The following PCDHGB3 variants were observed in gnomAD, a reference collection of about 807,000 sequenced individuals.
PCDHGB3 encodes the protein protocadherin gamma-B3.
PCDHGB3 carries 40 observed loss-of-function variants against 59.2 expected under a neutral mutation model. The observed-to-expected ratio is 0.68, with a 90% CI of 0.52 to 0.88. The LOEUF (loss-of-function observed/expected upper bound fraction) is 0.88, where lower values mean the gene tolerates loss of function less well. PCDHGB3 is among the 40% of genes least tolerant of loss of function. PCDHGB3 has a pLI of 0.00. For synonymous variants in PCDHGB3, 581 were observed against 503.6 expected, an observed-to-expected ratio of 1.15 and a Z score of -2.06; for missense variants, 1,309 against 1,187.9, an observed-to-expected ratio of 1.10 and a Z score of -1.50.
Position 141,477,934 on chromosome 5 carries a change from C to T in PCDHGB3, c.2416-16873C>T. Reference sequence around the variant, plus strand: ...CGGATGCAGGGCACAATGCCTGGCTCTCCTACAGTCTCTTGGGATCCCCTA... The same window carrying T: ...CGGATGCAGGGCACAATGCCTGGCTTTCCTACAGTCTCTTGGGATCCCCTA... On this transcript the variant is annotated intron_variant, in intron 1 of 3. Coordinates refer to ENST00000576222, the MANE Select transcript of PCDHGB3 (RefSeq NM_018924.5). This position sits in a 1 kb window ranked among gnomAD's most constrained non-coding sequence, Gnocchi z 4.9. 3.1e-6 allele frequency: 5 copies of T among 1,614,204 alleles called. No individual in the cohort carries two copies. The highest frequency in any genetic ancestry group is 4.2e-6 in the Non-Finnish European group (5 of 1,180,036).
intron 3 of PCDHGB3, among the ~76,000 whole-genome samples, chr5:141,508,616 G>T (rs1007206932): frequency 6.6e-6 from 1 of 152,114 alleles, no homozygotes; most frequent in African/African-American, 2.4e-5. Flanking sequence ...ATAGGACGTG[G>T]GTGGGCCGAG....
intron 1 of PCDHGB3, chr5:141,422,068 T>C (rs1340696188): frequency 2.5e-6 from 4 of 1,612,076 alleles, no homozygotes; most frequent in Non-Finnish European, 3.4e-6. Flanking sequence ...AGTAATGTAT[T>C]CATTTCGGAA....
intron 1 of PCDHGB3, chr5:141,409,600 G>T (rs778681839): frequency 6.8e-6 from 11 of 1,613,882 alleles, no homozygotes; most frequent in Admixed American, 1.7e-5. Flanking sequence ...AGAACAACCC[G>T]CCAGGAGCCT....
In PCDHGB3 at chr5:141,438,591, C is replaced by T. The variant is rs12717894; in HGVS notation, c.2416-56216C>T. 3.5e-3 allele frequency among the ~76,000 whole-genome samples: 262 copies of T among 75,376 alleles called. 1 individual carries two copies. The highest frequency in any genetic ancestry group is 4.5e-3 in the Non-Finnish European group (168 of 37,204). 49.4% of individuals were successfully genotyped at this position (75,376 alleles called of 152,430 possible). ...TCTGATATACATACATACATACATA[C>T]ATATATATATATATATATATATATA... On this transcript the variant is annotated intron_variant, in intron 1 of 3. Transcript: ENST00000576222.
chr5:141,454,857 G>C (rs1365819097), intron 1 of PCDHGB3, among the ~76,000 whole-genome samples: 2 of 131,566 alleles, frequency 1.5e-5, no homozygotes, highest in African/African-American at 6.0e-5. Context: ...ACCCAGGCTG[G>C]AGTGCAGTGG....
chr5:141,420,067 A>G (rs2096463342), intron 1 of PCDHGB3: 2 of 1,614,034 alleles, frequency 1.2e-6, no homozygotes, highest in East Asian at 2.2e-5. Flanking sequence ...CCAAGTCCGG[A>G]CCTGTGGGTC....
chr5:141,399,373 GT>G, intron 1 of PCDHGB3: 1 of 1,613,982 alleles, frequency 6.2e-7, no homozygotes. Context: ...GGAGTACAAT[GT>G]CACCATCACA....
intron 2 of PCDHGB3, among the ~76,000 whole-genome samples, chr5:141,504,948 T>C (rs1044527570): frequency 2.0e-5 from 3 of 152,080 alleles, no homozygotes; most frequent in Admixed American, 1.3e-4. Flanking sequence ...GAATGCACTA[T>C]GTTCAATGCA....
At position 141,490,646 on chromosome 5, in the gene PCDHGB3, C is replaced by G. The variant is rs202183643; in HGVS notation, c.2416-4161C>G. The G allele has an allele frequency of 8.7e-6, 14 of 1,614,068 alleles. No homozygotes were observed. In the African/African-American group the frequency reaches 1.7e-4, roughly 20 times the overall value. ...GCTTACATCCTAGAAAACCGGCCTC[C>G]GGGCTCCCTTCTTTGCACTGTGGCT... On this transcript the variant is annotated intron_variant, in intron 1 of 3. Coordinates refer to ENST00000576222, the MANE Select transcript of PCDHGB3 (RefSeq NM_018924.5). This position sits in a 1 kb window ranked among gnomAD's most constrained non-coding sequence, Gnocchi z 5.4.
At chr5:141,506,092 G>A (rs1595997534) in intron 3 of PCDHGB3, among the ~76,000 whole-genome samples, 1 of 152,142 alleles carries the variant, frequency 6.6e-6, no homozygotes, top group Admixed American at 6.6e-5. Flanking sequence ...TTCGGCTAGT[G>A]GTGGTTGTCC....
Position 141,487,933 on chromosome 5 carries a change from A to G in PCDHGB3, c.2416-6874A>G. ...CACAGGAGGCTACAGTGCACAGGGT[A>G]CAGTGCACCAGGCAGTCACTTGGAC... is the stretch of plus-strand genomic sequence containing the variant. On this transcript the variant is annotated intron_variant, in intron 1 of 3. Coordinates refer to ENST00000576222, the MANE Select transcript of PCDHGB3 (RefSeq NM_018924.5). This position sits in a 1 kb window ranked among gnomAD's most constrained non-coding sequence, Gnocchi z 5.0. 1 of 612,006 alleles carries G rather than the reference A, an allele frequency of 1.6e-6. No homozygotes were observed. Among genetic ancestry groups the G allele is most frequent in the South Asian group, 2.0e-5 (1 of 49,074 alleles). The allele number at this position is 612,006 out of a possible 1,614,324, so 37.9% of individuals were successfully genotyped here. A position where few individuals can be genotyped will look rare whatever the true frequency, so the allele number is the denominator to read the frequency against.
At chr5:141,480,703 C>G (rs577131684) in intron 1 of PCDHGB3, among the ~76,000 whole-genome samples, 1 of 152,134 alleles carries the variant, frequency 6.6e-6, no homozygotes, top group African/African-American at 2.4e-5. Context: ...GGCCACACCC[C>G]GACAAATGAA....
intron 1 of PCDHGB3, among the ~76,000 whole-genome samples, chr5:141,437,034 C>T (rs1282216386): frequency 1.3e-5 from 2 of 152,194 alleles, no homozygotes. Context: ...AAATGGATCA[C>T]CGAAACCAGA....
Position 141,511,201 on chromosome 5 carries a change from G to A in PCDHGB3, c.*28G>A, listed in dbSNP as rs2099883661. On this transcript the variant is annotated 3_prime_UTR_variant, in exon 4 of 4. Transcript: ENST00000576222. ...TGGAGGCCAGGCCAAGAGCCACAGG[G>A]CGGCCTCTCCCCAACCAGCCCAGCT... 2 of 1,612,600 alleles carry A rather than the reference G, an allele frequency of 1.2e-6. No homozygotes were observed. The highest frequency in any genetic ancestry group is 1.7e-6 in the Non-Finnish European group (2 of 1,179,344).
intron 1 of PCDHGB3, among the ~76,000 whole-genome samples, chr5:141,462,203 G>A (rs544238255): frequency 2.6e-5 from 4 of 152,036 alleles, no homozygotes; most frequent in East Asian, 1.9e-4. Flanking sequence ...CAGGTGATCC[G>A]CCTGCCTCGG....
intron 1 of PCDHGB3, chr5:141,407,994 C>T (rs1449634415): frequency 1.0e-5 from 9 of 858,436 alleles, no homozygotes; most frequent in African/African-American, 1.7e-5. Flanking sequence ...CAGCCTCTGG[C>T]CTGGGATTCC....
chr5:141,432,288 A>C lies in PCDHGB3; in HGVS notation c.2415+59479A>C. ...TCGTCCTACGTGTCCATCAACTCCG[A>C]CACTGGGGTACTGTATGCGCTGAGC... On this transcript the variant is annotated intron_variant, in intron 1 of 3. Coordinates refer to ENST00000576222, the MANE Select transcript of PCDHGB3 (RefSeq NM_018924.5). This position sits in a 1 kb window ranked among gnomAD's most constrained non-coding sequence, Gnocchi z 6.0. 1 of 1,614,192 alleles carries C rather than the reference A, an allele frequency of 6.2e-7. No individual in the cohort carries two copies. Among genetic ancestry groups the C allele is most frequent in the Non-Finnish European group, 8.5e-7 (1 of 1,180,018 alleles).
intron 1 of PCDHGB3, chr5:141,374,343 C>A (rs753543776): frequency 6.2e-7 from 1 of 1,613,990 alleles, no homozygotes; most frequent in Admixed American, 1.7e-5. Flanking sequence ...TTGGTCACCG[C>A]GGGTAGGATA....
At chr5:141,461,861 T>C (rs1445632008) in intron 1 of PCDHGB3, among the ~76,000 whole-genome samples, 8 of 152,182 alleles carry the variant, frequency 5.3e-5, no homozygotes, top group Middle Eastern at 3.4e-3. Flanking sequence ...TTTGCTCTTG[T>C]TGCCCAGGCT....
Sources: gnomAD v4.1 joint callset for allele counts (sites outside exome capture counted in the v4.1 genomes callset) on GRCh38, gnomAD v4.1.1 for gene constraint, Gnocchi (gnomAD v3.1) non-coding constraint, MANE v1.5 for transcripts, NCBI Gene and HGNC (gene_info 2026-07-23, HGNC 2026-07-21) for gene names.